CAP2: variants seen among roughly 807,000 people sequenced by gnomAD.
The protein encoded by CAP2 is adenylyl cyclase-associated protein 2.
Under a neutral mutation model 57.7 loss-of-function variants are expected in CAP2, and 24 were observed. The ratio of observed to expected loss-of-function variants is 0.42; its 90% CI spans 0.30 to 0.58. The LOEUF is 0.58. Ranked by LOEUF, CAP2 falls within the 20% of genes least tolerant of loss-of-function variation. The pLI is 0.22. For missense variants in CAP2, 501 were observed against 590.3 expected (o/e 0.85, Z 1.57); for synonymous variants, 194 against 207.2 (o/e 0.94, Z 0.55).
At position 17,444,803 on chromosome 6, in the gene CAP2, TCCACAC is replaced by T. The variant is rs1189477657; in HGVS notation, c.222+18114_222+18119del. ...CTCTGTAGATTTTTGTTTCTCTCTCTCCACACACACACACACACACACACACACACA... is the reference window on the plus strand; with the variant it reads ...CTCTGTAGATTTTTGTTTCTCTCTCTACACACACACACACACACACACACA... On this transcript the variant is annotated intron_variant, in intron 3 of 12. Transcript: ENST00000229922. Among the ~76,000 whole-genome samples, 157 of 76,634 alleles carry T rather than the reference TCCACAC, an allele frequency of 2.0e-3. 1 individual carries two copies. Among genetic ancestry groups the T allele is most frequent in the African/African-American group, 6.0e-3 (133 of 22,108 alleles). 50.3% of individuals were successfully genotyped at this position (76,634 alleles called of 152,430 possible).
chr6:17,505,367 G>A (rs557679558), intron 4 of CAP2, among the ~76,000 whole-genome samples: 6 of 152,180 alleles, frequency 3.9e-5, no homozygotes, highest in Non-Finnish European at 5.9e-5. Flanking sequence ...TTTGCTGTCC[G>A]TGGCAGAAAT....
intron 3 of CAP2, among the ~76,000 whole-genome samples, chr6:17,439,485 C>T (rs1006263404): frequency 9.9e-5 from 15 of 151,372 alleles, no homozygotes; most frequent in African/African-American, 3.7e-4. Context: ...CACCAGGGAC[C>T]GATTTCCTGG....
chr6:17,453,018 G>A (rs1168023295), intron 3 of CAP2, among the ~76,000 whole-genome samples: 2 of 152,182 alleles, frequency 1.3e-5, no homozygotes, highest in South Asian at 4.1e-4. Context: ...GGATGTTATG[G>A]TTTCTCCATC....
At chr6:17,519,112 G>A (rs1034992674) in intron 7 of CAP2, among the ~76,000 whole-genome samples, 2 of 152,086 alleles carry the variant, frequency 1.3e-5, no homozygotes, top group African/African-American at 4.8e-5. Flanking sequence ...GGGGTTTTTA[G>A]TGACTGACAG....
chr6:17,550,246 A>AAAATAAAT (rs10629532), intron 11 of CAP2, among the ~76,000 whole-genome samples: 12 of 151,344 alleles, frequency 7.9e-5, no homozygotes, highest in African/African-American at 1.2e-4. Context: ...ACTCTATCTC[A>AAAATAAAT]AAATAAATAA....
intron 4 of CAP2, among the ~76,000 whole-genome samples, chr6:17,484,094 C>T (rs1333278600): frequency 6.6e-6 from 1 of 152,030 alleles, no homozygotes; most frequent in Non-Finnish European, 1.5e-5. Flanking sequence ...AAATGAAAGA[C>T]CACGGACTCC....
chr6:17,487,068 G>A (rs1761437123), intron 4 of CAP2, among the ~76,000 whole-genome samples: 2 of 152,160 alleles, frequency 1.3e-5, no homozygotes, highest in Admixed American at 1.3e-4. Flanking sequence ...CACTTTTCTT[G>A]CTCACCTCAT....
At chr6:17,496,489 T>A (rs1372528018) in intron 4 of CAP2, among the ~76,000 whole-genome samples, 2 of 152,112 alleles carry the variant, frequency 1.3e-5, no homozygotes, top group Non-Finnish European at 2.9e-5. Flanking sequence ...TTGTTTTTTT[T>A]TCTTTCTTTC....
intron 7 of CAP2, among the ~76,000 whole-genome samples, chr6:17,529,132 A>G (rs1319085775): frequency 1.3e-5 from 2 of 152,288 alleles, no homozygotes; most frequent in Middle Eastern, 3.4e-3. Flanking sequence ...ATTCAGTTAC[A>G]CTCACATTAT....
intron 4 of CAP2, among the ~76,000 whole-genome samples, chr6:17,500,737 A>G (rs1251357284): frequency 3.3e-5 from 5 of 152,228 alleles, no homozygotes; most frequent in Admixed American, 2.6e-4. Flanking sequence ...AAGGAAATGT[A>G]TGTACATGTT....
intron 4 of CAP2, among the ~76,000 whole-genome samples, chr6:17,485,129 A>C (rs940566145): frequency 4.6e-5 from 7 of 151,888 alleles, no homozygotes; most frequent in Non-Finnish European, 8.8e-5. Flanking sequence ...TAGTGAAATA[A>C]CTAGATTCCC....
chr6:17,423,338 G>A (rs1160053656), intron 2 of CAP2, among the ~76,000 whole-genome samples: 1 of 152,162 alleles, frequency 6.6e-6, no homozygotes, highest in Non-Finnish European at 1.5e-5. Flanking sequence ...TTTAAGGAAG[G>A]CTGCCAGGAG....
At chr6:17,520,491 C>T (rs951372239) in intron 7 of CAP2, among the ~76,000 whole-genome samples, 5 of 152,126 alleles carry the variant, frequency 3.3e-5, no homozygotes, top group Admixed American at 6.5e-5. Flanking sequence ...TCTCCTGAAC[C>T]TCCAGGAAAA....
intron 3 of CAP2, among the ~76,000 whole-genome samples, chr6:17,461,992 CAAAAAAAAAAAAAA>C (rs567675285): frequency 0.03 from 829 of 27,842 alleles, 16 homozygotes; most frequent in Non-Finnish European, 0.1. Flanking sequence ...GACTCCGTCT[CAAAAAAAAAAAAAA>C]AAAAAAAAAA....
chr6:17,536,348 C>T (rs533304797), intron 7 of CAP2: 1 of 452,374 alleles, frequency 2.2e-6, no homozygotes, highest in Admixed American at 2.4e-5. Context: ...TACGGTAAAG[C>T]ACCTGAATGC....
At chr6:17,488,757 TGTTA>T (rs936102562) in intron 4 of CAP2, among the ~76,000 whole-genome samples, 3 of 152,214 alleles carry the variant, frequency 2.0e-5, no homozygotes, top group African/African-American at 7.2e-5. Context: ...CTGCAGTTTG[TGTTA>T]GTTCTGTTGT....
rs145102058 is a variant in CAP2, at chr6:17,483,339, T to C, written c.300+20266T>C. ...CAGCAATTTTCTTGATTTCTTTTTT[T>C]TCCTCCATTGTTTTCCTGTCTAATT... On this transcript the variant is annotated intron_variant, in intron 4 of 12. Transcript: ENST00000229922. 1.9e-3 allele frequency among the ~76,000 whole-genome samples: 284 copies of C among 152,342 alleles called. 1 individual carries two copies. The highest frequency in any genetic ancestry group is 6.8e-3 in the Middle Eastern group (2 of 294).
intron 3 of CAP2, among the ~76,000 whole-genome samples, chr6:17,429,720 G>A (rs1326238709): frequency 6.6e-6 from 1 of 152,140 alleles, no homozygotes; most frequent in Non-Finnish European, 1.5e-5. Flanking sequence ...AAGACAGAAG[G>A]AAGAAAGGCA....
intron 4 of CAP2, among the ~76,000 whole-genome samples, chr6:17,480,952 A>ATTTTTTTTTTTT (rs59581120): frequency 1.4e-5 from 1 of 70,728 alleles, no homozygotes. Context: ...CTAATTTTGT[A>ATTTTTTTTTTTT]TTTTTTTTTT....
Sources: gnomAD v4.1 joint callset for allele counts (sites outside exome capture counted in the v4.1 genomes callset) on GRCh38, gnomAD v4.1.1 for gene constraint, MANE v1.5 for transcripts, NCBI Gene and HGNC (gene_info 2026-07-23, HGNC 2026-07-21) for gene names.